The following ACTMAP variants were observed in gnomAD, a reference collection of about 807,000 sequenced individuals.
ACTMAP encodes the protein UPF0692 protein C19orf54.
At chr19:40,742,325 GA>G in the ACTMAP span, 2 of 1,127,884 alleles carry the variant, frequency 1.8e-6, no homozygotes, top group Non-Finnish European at 2.5e-6. Context: ...GAGGACTGGA[GA>G]CCCCTGAGAC....
the ACTMAP span, chr19:40,741,831 G>A: frequency 2.2e-6 from 1 of 456,578 alleles, no homozygotes; most frequent in Admixed American, 2.3e-5. Flanking sequence ...TAGAGGGGCT[G>A]GCACAGGTAA....
At chr19:40,742,428 C>T in the ACTMAP span, 11 of 1,455,348 alleles carry the variant, frequency 7.6e-6, no homozygotes, top group Admixed American at 2.8e-5. Context: ...AGACCGCAGC[C>T]GCAGCTAATG....
the ACTMAP span, chr19:40,744,441 T>C: frequency 1.3e-6 from 2 of 1,502,340 alleles, no homozygotes; most frequent in Non-Finnish European, 1.8e-6. Flanking sequence ...TACTGGGCAG[T>C]GGGAAGGGCC....
At chr19:40,744,788 T>C in the ACTMAP span, 1 of 1,430,692 alleles carries the variant, frequency 7.0e-7, no homozygotes, top group Non-Finnish European at 9.3e-7. Flanking sequence ...CCCCCTCCCC[T>C]CTCCCAGGCC....
At chr19:40,745,103 C>T in the ACTMAP span, 2 of 1,551,600 alleles carry the variant, frequency 1.3e-6, no homozygotes, top group South Asian at 1.2e-5. Flanking sequence ...AGCAGATGGG[C>T]TGGGGTTCCC....
chr19:40,749,852 G>C, the ACTMAP span: 1,814 of 1,208,186 alleles, frequency 1.5e-3, no homozygotes, highest in Non-Finnish European at 1.8e-3. Context: ...GGGGAGGGAA[G>C]GATCCTCCAA....
At chr19:40,742,232 G>A in the ACTMAP span, 1 of 713,022 alleles carries the variant, frequency 1.4e-6, no homozygotes, top group Middle Eastern at 2.3e-4. Context: ...GGAATAGGCA[G>A]GCCGCAGGGT....
At chr19:40,749,707 G>C in the ACTMAP span, 2 of 1,519,514 alleles carry the variant, frequency 1.3e-6, no homozygotes, top group Non-Finnish European at 1.8e-6. Flanking sequence ...AGGGGACTTG[G>C]GGGTAGAGGA....
chr19:40,744,428 C>T, the ACTMAP span: 3 of 1,467,040 alleles, frequency 2.0e-6, no homozygotes, highest in African/African-American at 1.4e-5. Context: ...AACCTCTCTG[C>T]TCTACTGGGC....
At chr19:40,747,124 T>C in the ACTMAP span, among the ~76,000 whole-genome samples, 4 of 152,050 alleles carry the variant, frequency 2.6e-5, no homozygotes, top group African/African-American at 9.7e-5. Context: ...ATTATTCCTA[T>C]TCCAAGGCTG....
chr19:40,744,327 A>G, the ACTMAP span: 1 of 1,396,768 alleles, frequency 7.2e-7, no homozygotes, highest in South Asian at 1.5e-5. Context: ...AAAATGAGGC[A>G]CAAAGAGCGT....
the ACTMAP span, chr19:40,744,635 G>T: frequency 6.2e-7 from 1 of 1,613,524 alleles, no homozygotes; most frequent in Non-Finnish European, 8.5e-7. Flanking sequence ...GGACGCCACT[G>T]GGGGGCGACA....
chr19:40,749,037 C>A, the ACTMAP span, among the ~76,000 whole-genome samples: 7 of 139,852 alleles, frequency 5.0e-5, no homozygotes, highest in Non-Finnish European at 9.0e-5. Context: ...GTCTTCCAGG[C>A]TGGAGTGCAG....
the ACTMAP span, chr19:40,742,884 A>G: frequency 9.5e-7 from 1 of 1,055,312 alleles, no homozygotes; most frequent in Non-Finnish European, 1.4e-6. Context: ...TGCCATTCCT[A>G]GGTTACGGTG....
the ACTMAP span, among the ~76,000 whole-genome samples, chr19:40,746,167 G>C: frequency 0.02 from 3,032 of 152,188 alleles, 40 homozygotes; most frequent in Non-Finnish European, 0.029. Flanking sequence ...TTGTACCCTG[G>C]GGGAGGCCAC....
chr19:40,742,896 C>T, the ACTMAP span: 397 of 934,186 alleles, frequency 4.2e-4, no homozygotes, highest in African/African-American at 5.5e-3. Context: ...GTTACGGTGA[C>T]GTTAGTGGTG....
the ACTMAP span, chr19:40,744,689 G>A: frequency 6.2e-7 from 1 of 1,603,478 alleles, no homozygotes; most frequent in Non-Finnish European, 8.5e-7. Context: ...CGCATCTGGG[G>A]ACAGAGAGGC....
At chr19:40,746,130 C>G in the ACTMAP span, among the ~76,000 whole-genome samples, 1 of 152,160 alleles carries the variant, frequency 6.6e-6, no homozygotes, top group Non-Finnish European at 1.5e-5. Context: ...TGCTTAAGGC[C>G]TAAAACATCA....
At chr19:40,742,015 AAC>A in the ACTMAP span, 1 of 451,158 alleles carries the variant, frequency 2.2e-6, no homozygotes, top group South Asian at 1.6e-5. Flanking sequence ...GGATTTGAAC[AAC>A]ACTTCAGGGA....
Sources: allele counts gnomAD v4.1 joint callset (sites outside exome capture counted in the v4.1 genomes callset), GRCh38; gene constraint gnomAD v4.1.1; transcripts MANE v1.5; gene names NCBI Gene and HGNC (gene_info 2026-07-23, HGNC 2026-07-21).